Variants in GEMIN4 observed in about 807,000 individuals in gnomAD.
The protein encoded by GEMIN4 is gem-associated protein 4.
Under a neutral mutation model 76.8 loss-of-function variants are expected in GEMIN4, and 59 were observed. The ratio of observed to expected loss-of-function variants is 0.77; its 90% CI spans 0.62 to 0.95. GEMIN4 has a LOEUF of 0.95. Ranked by LOEUF, GEMIN4 falls within the 40% of genes least tolerant of loss-of-function variation. GEMIN4 has a pLI of 0.00. For missense variants in GEMIN4, 1,311 were observed against 1,318.9 expected, an observed-to-expected ratio of 0.99 and a Z score of 0.09; for synonymous variants, 562 against 559.7, an observed-to-expected ratio of 1.00 and a Z score of -0.06.
rs375583565 is a variant in GEMIN4 at position 747,330 on chromosome 17, C to T, written c.713G>A (p.Cys238Tyr). ...SRILGPGRKC[C>Y]ALANLADMLT... ...CATGTCAGCCAGGTTGGCCAGCGCA[C>T]AGCACTTCCTCCCCGGGCCCAGGAT... The change falls in exon 2 of 2, where the codon TGT becomes TAT. Residue 238 changes from cysteine to tyrosine, a missense_variant. By Grantham distance (194) the Cys-to-Tyr change is radical. This residue lies in a region of GEMIN4 where 1,208 missense variants were observed against 1,166.9 expected (regional missense o/e 1.04). Coordinates refer to ENST00000319004, the MANE Select transcript of GEMIN4 (RefSeq NM_015721.3). The T allele has an allele frequency of 2.9e-5, 47 of 1,613,686 alleles. No homozygotes were observed. The highest frequency in any genetic ancestry group is 3.6e-5 in the Non-Finnish European group (43 of 1,179,894).
Position 747,899 on chromosome 17 carries a change from C to A in GEMIN4, c.144G>T (p.Glu48Asp). 6.2e-7 allele frequency: 1 copy of A among 1,613,914 alleles called. No individual in the cohort carries two copies. Among genetic ancestry groups the A allele is most frequent in the Non-Finnish European group, 8.5e-7 (1 of 1,179,892 alleles). The change falls in exon 2 of 2, where the codon GAG becomes GAT. Residue 48 changes from glutamate to aspartate, a missense_variant. Physicochemically the swap from Glu to Asp is conservative, Grantham distance 45. Around this residue, in one of 2 missense-constraint regions of GEMIN4, gnomAD observed 103 missense variants for 152.0 expected, o/e 0.68. Coordinates refer to ENST00000319004, the MANE Select transcript of GEMIN4 (RefSeq NM_015721.3). The part of the protein sequence containing the change: ...DWERVGRPIV[E>D]ALREISSAAA... The stretch of plus-strand genomic sequence containing the variant: ...CAGCCGAGGAGATCTCCCTTAAGGC[C>A]TCCACGATGGGCCGTCCAACACGTT...
chr17:750,115 G>T, intron 1 of GEMIN4: 2 of 430,586 alleles, frequency 4.6e-6, no homozygotes, highest in Non-Finnish European at 6.2e-6. Flanking sequence ...CAGCTACTTG[G>T]GGGGCTGAGG....
At chr17:752,615 TAC>T, upstream of GEMIN4, 1 of 964,596 alleles carries the variant, frequency 1.0e-6, no homozygotes, top group Non-Finnish European at 1.2e-6. Flanking sequence ...TCGCGCCACA[TAC>T]AGTCCCTCAA....
Position 744,897 on chromosome 17 carries a change from T to A in GEMIN4, c.3146A>T (p.Gln1049Leu). 6.2e-7 allele frequency: 1 copy of A among 1,612,992 alleles called. No homozygotes were observed. Residue 1049 changes from glutamine (Q) to leucine (L), a missense_variant, in exon 2 of 2, where the codon CAA (glutamine) becomes CTA (leucine). By Grantham distance (113) the Gln-to-Leu change is moderately radical. Transcript: ENST00000319004. ...AEGIGPEERRQTLLQKMSSF is the reference protein window; with the variant it reads ...AEGIGPEERRLTLLQKMSSF ...GCTGCTCATCTTCTGCAACAGGGTT[T>A]GGCGCCGTTCTTCAGGGCCGATGCC...
chr17:747,102 A>C lies in GEMIN4; in HGVS notation c.941T>G (p.Phe314Cys). 2 of 1,613,724 alleles carry C rather than the reference A, an allele frequency of 1.2e-6. No homozygotes were observed. The highest frequency in any genetic ancestry group is 8.5e-7 in the Non-Finnish European group (1 of 1,179,850). The change falls in exon 2 of 2, where the codon TTC becomes TGC. Residue 314 changes from phenylalanine to cysteine, a missense_variant. By Grantham distance (205) the Phe-to-Cys change is radical. Around this residue, in one of 2 missense-constraint regions of GEMIN4, gnomAD observed 1,208 missense variants for 1,166.9 expected, o/e 1.04. Coordinates refer to ENST00000319004, the MANE Select transcript of GEMIN4 (RefSeq NM_015721.3). ...GTGGTGCAGGAACTCGCAGCCCACG[A>C]AAATGGTCTCACTGGGGAGTTTGGC... The part of the protein sequence containing the change: ...SLAKLPSETI[F>C]VGCEFLHHLL...
In GEMIN4 at chr17:747,024, CCCTGGCTGCTGCGGAGCACGGCCT is replaced by C; in HGVS notation, c.995_1018del (p.Gln332_Gly340delinsArg). 6.2e-7 allele frequency: 1 copy of C among 1,613,336 alleles called. No homozygotes were observed. Among genetic ancestry groups the C allele is most frequent in the Non-Finnish European group, 8.5e-7 (1 of 1,179,812 alleles). The stretch of plus-strand genomic sequence containing the variant: ...CAGCCGGTAGCTGTCGTAACTTGTC[CCCTGGCTGCTGCGGAGCACGGCCT>C]GCAACTCCTCCCCCCACTCCCGCAG... On this transcript the variant is annotated inframe_deletion, in exon 2 of 2. Coordinates refer to ENST00000319004, the MANE Select transcript of GEMIN4 (RefSeq NM_015721.3).
rs776161874 is a variant in GEMIN4 at position 746,537 on chromosome 17, G to GAT, written c.1504_1505dup (p.Leu503SerfsTer53). On this transcript the variant is annotated frameshift_variant, in exon 2 of 2. Transcript: ENST00000319004. LOFTEE classifies it high-confidence loss of function. This position sits in a 1 kb window ranked among gnomAD's most constrained non-coding sequence, Gnocchi z 4.3. ...GGCCCTTTCGCCCCCAGGAACGCAG[G>GAT]ATACCTGCAAGGACTTTATTTTTAC... The GAT allele has an allele frequency of 6.2e-6, 10 of 1,613,774 alleles. No individual in the cohort carries two copies. In the Admixed American group the frequency reaches 6.7e-5, roughly 11 times the overall value.
upstream of GEMIN4, chr17:753,845 TTA>T (rs1904876063): frequency 6.6e-6 from 1 of 152,326 alleles, no homozygotes; most frequent in Admixed American, 6.5e-5. Flanking sequence ...CCCCAGCCCC[TTA>T]TCTCTTCAAG....
In GEMIN4 at chr17:744,657, G is replaced by A. The variant is rs556493191; in HGVS notation, c.*209C>T. ...GGAGAATTTTTATGATAGTTTGTAC[G>A]TTACAAATACCCAAGAAACTATTTT... On this transcript the variant is annotated 3_prime_UTR_variant, in exon 2 of 2. Transcript: ENST00000319004. The A allele has an allele frequency of 4.9e-5, 26 of 534,672 alleles. No homozygotes were observed. The Admixed American group carries it at 5.5e-4, about 11-fold the overall frequency. 33.1% of individuals were successfully genotyped at this position (534,672 alleles called of 1,614,324 possible). A position where few individuals can be genotyped will look rare whatever the true frequency, so the allele number is the denominator to read the frequency against.
upstream of GEMIN4, among the ~76,000 whole-genome samples, chr17:752,429 C>T (rs1904789707): frequency 6.6e-6 from 1 of 152,202 alleles, no homozygotes. Flanking sequence ...CCTGCCCGGC[C>T]CCTCTTCCGG....
At chr17:751,041 G>A (rs1904653808) in intron 1 of GEMIN4, among the ~76,000 whole-genome samples, 1 of 152,164 alleles carries the variant, frequency 6.6e-6, no homozygotes, top group South Asian at 2.1e-4. Flanking sequence ...CATTAAGTAC[G>A]CACAGTTTGA....
In GEMIN4 at chr17:747,298, C is replaced by T. The variant is rs969811695; in HGVS notation, c.745G>A (p.Val249Met). The T allele has an allele frequency of 5.0e-6, 8 of 1,613,728 alleles. No homozygotes were observed. The highest frequency in any genetic ancestry group is 2.2e-5 in the East Asian group (1 of 44,894). Reference sequence around the variant, plus strand: ...GGGTCGTCCTCTGTCAGCGCAAACACAGTCAGCATGTCAGCCAGGTTGGCC... The same window carrying T: ...GGGTCGTCCTCTGTCAGCGCAAACATAGTCAGCATGTCAGCCAGGTTGGCC... Reference protein sequence around the residue: ...ALANLADMLTVFALTEDDPQE... With the variant: ...ALANLADMLTMFALTEDDPQE... The change falls in exon 2 of 2, where the codon GTG becomes ATG. Residue 249 changes from valine to methionine, a missense_variant. By Grantham distance (21) the Val-to-Met change is conservative. Around this residue, in one of 2 missense-constraint regions of GEMIN4, gnomAD observed 1,208 missense variants for 1,166.9 expected, o/e 1.04. Coordinates refer to ENST00000319004, the MANE Select transcript of GEMIN4 (RefSeq NM_015721.3).
rs375214416 is a variant in GEMIN4, at chr17:746,126, C to A, written c.1917G>T (p.Gly639=). 2 of 1,613,842 alleles carry A rather than the reference C, an allele frequency of 1.2e-6. No individual in the cohort carries two copies. Among genetic ancestry groups the A allele is most frequent in the Non-Finnish European group, 1.7e-6 (2 of 1,179,908 alleles). Residue 639 remains glycine, a synonymous_variant, in exon 2 of 2, where the codon GGG becomes GGT. Coordinates refer to ENST00000319004, the MANE Select transcript of GEMIN4 (RefSeq NM_015721.3). This position sits in a 1 kb window ranked among gnomAD's most constrained non-coding sequence, Gnocchi z 4.3. ...GCTCAAGAAGAGCAGCCACTGGAAT[C>A]CCTTGGGGTTTCACGGGACTCATCA... The part of the protein sequence containing the change: ...NCLMSPVKPQ[G]IPVAALLEPD...
In GEMIN4 at chr17:746,241, G is replaced by A. The variant is rs898791411; in HGVS notation, c.1802C>T (p.Thr601Ile). 1 of 1,613,658 alleles carries A rather than the reference G, an allele frequency of 6.2e-7. No individual in the cohort carries two copies. Among genetic ancestry groups the A allele is most frequent in the African/African-American group, 1.3e-5 (1 of 74,906 alleles). The change falls in exon 2 of 2, where the codon ACT (threonine) becomes ATT (isoleucine). Residue 601 changes from threonine to isoleucine, a missense_variant. Thr to Ile is a moderately conservative substitution (Grantham distance 89). Around this residue, in one of 2 missense-constraint regions of GEMIN4, gnomAD observed 1,208 missense variants for 1,166.9 expected, o/e 1.04. Coordinates refer to ENST00000319004, the MANE Select transcript of GEMIN4 (RefSeq NM_015721.3). The surrounding 1 kb of genome is among the most constrained non-coding windows in gnomAD (Gnocchi z 4.3). Reference protein sequence around the residue: ...VEEQGPNSSATFMVSCLKETV... With the variant: ...VEEQGPNSSAIFMVSCLKETV... ...TTCTTTGAGGCATGACACCATGAAA[G>A]TGGCAGATGAATTGGGACCCTGCTC... is the stretch of plus-strand genomic sequence containing the variant.
At chr17:752,627 A>G (rs1368937085), upstream of GEMIN4, 3 of 1,007,276 alleles carry the variant, frequency 3.0e-6, no homozygotes, top group East Asian at 8.6e-5. Flanking sequence ...CAGTCCCTCA[A>G]CGCGCTCCTG....
chr17:746,161 G>A lies in GEMIN4; in HGVS notation c.1882C>T (p.Leu628=), dbSNP rs200443736. 1.2e-5 allele frequency: 19 copies of A among 1,613,782 alleles called. No individual in the cohort carries two copies. Among genetic ancestry groups the A allele is most frequent in the Non-Finnish European group, 1.5e-5 (18 of 1,179,902 alleles). The change falls in exon 2 of 2, where the codon CTG becomes TTG. Residue 628 remains leucine (L), a synonymous_variant. Transcript: ENST00000319004. This position sits in a 1 kb window ranked among gnomAD's most constrained non-coding sequence, Gnocchi z 4.3. The part of the protein sequence containing the change: ...PKEEKQFLEL[L]NCLMSPVKPQ... Reference sequence around the variant, plus strand: ...TTCACGGGACTCATCAGGCAGTTCAGGAGCTCTAAAAATTGCTTTTCTTCC... The same window carrying A: ...TTCACGGGACTCATCAGGCAGTTCAAGAGCTCTAAAAATTGCTTTTCTTCC...
At chr17:751,597 G>C (rs1351772582) in intron 1 of GEMIN4, 2 of 152,652 alleles carry the variant, frequency 1.3e-5, no homozygotes, top group African/African-American at 4.8e-5. Context: ...CCTCAGGAGC[G>C]CAGCCGCCCC....
chr17:752,276 C>T, upstream of GEMIN4: 1 of 1,225,536 alleles, frequency 8.2e-7, no homozygotes, highest in Non-Finnish European at 1.0e-6. Flanking sequence ...ACAACCTCCG[C>T]CCGGCCCCGC....
chr17:747,458 C>G lies in GEMIN4; in HGVS notation c.585G>C (p.Glu195Asp), dbSNP rs201731507. The G allele has an allele frequency of 6.2e-7, 1 of 1,613,890 alleles. No individual in the cohort carries two copies. The highest frequency in any genetic ancestry group is 8.5e-7 in the Non-Finnish European group (1 of 1,179,860). Residue 195 changes from glutamate (E) to aspartate (D), a missense_variant, in exon 2 of 2, where the codon GAG becomes GAC. Glu to Asp is a conservative substitution (Grantham distance 45). Coordinates refer to ENST00000319004, the MANE Select transcript of GEMIN4 (RefSeq NM_015721.3). The stretch of plus-strand genomic sequence containing the variant: ...TAAGCCTCTTTGGAGGATGGGGGAA[C>G]TCATCTAAGGCAGGCAGGTACTTAT... ...MAHKYLPALD[E>D]FPHPPKRLRS...
Sources: allele counts gnomAD v4.1 joint callset (sites outside exome capture counted in the v4.1 genomes callset), GRCh38; gene constraint gnomAD v4.1.1; regional missense constraint gnomAD v4.1.1; non-coding constraint Gnocchi (gnomAD v3.1); transcripts MANE v1.5; gene names NCBI Gene and HGNC (gene_info 2026-07-23, HGNC 2026-07-21).